The following SNX24 variants were observed in gnomAD, a reference collection of about 807,000 sequenced individuals.
SNX24 encodes the protein sorting nexin-24.
SNX24 carries 22 observed loss-of-function variants against 28.7 expected under a neutral mutation model. That is an observed-to-expected ratio of 0.77 (90% CI 0.55 to 1.10). The LOEUF is 1.10. SNX24 is among the 50% of genes least tolerant of loss of function. The probability of loss-of-function intolerance (pLI) is 0.00; values close to 1 mark genes in which losing one functional copy is unlikely to be tolerated. For synonymous variants in SNX24, 69 were observed against 71.5 expected, an observed-to-expected ratio of 0.96 and a Z score of 0.18; for missense variants, 221 against 201.1, an observed-to-expected ratio of 1.10 and a Z score of -0.60.
In SNX24 at chr5:122,907,165, G is replaced by T. The variant is rs191080850; in HGVS notation, c.61-29569G>T. 1.9e-3 allele frequency among the ~76,000 whole-genome samples: 295 copies of T among 152,140 alleles called. 1 individual carries two copies. Among genetic ancestry groups the T allele is most frequent in the African/African-American group, 6.7e-3 (279 of 41,508 alleles). Reference sequence around the variant, plus strand: ...CTCTCTAAGGAAGGAGTAACTTCAGGCTCCAAACCTTAAACAAGAAATGTA... The same window carrying T: ...CTCTCTAAGGAAGGAGTAACTTCAGTCTCCAAACCTTAAACAAGAAATGTA... On this transcript the variant is annotated intron_variant, in intron 1 of 6. Coordinates refer to ENST00000261369, the MANE Select transcript of SNX24 (RefSeq NM_014035.4).
In SNX24 at chr5:122,945,156, C is replaced by T. The variant is rs528951488; in HGVS notation, c.145-899C>T. Among the ~76,000 whole-genome samples, 37 of 152,230 alleles carry T rather than the reference C, an allele frequency of 2.4e-4. No homozygotes were observed. The South Asian group carries it at 5.4e-3, about 22-fold the overall frequency. ...CCAGCTTCTAGAGGTCACCTTGGCT[C>T]GTGGCCTCTTTCTCCATCGTCAGAG... On this transcript the variant is annotated intron_variant, in intron 2 of 6. Coordinates refer to ENST00000261369, the MANE Select transcript of SNX24 (RefSeq NM_014035.4).
chr5:122,882,090 A>G (rs558818323), intron 1 of SNX24, among the ~76,000 whole-genome samples: 13 of 152,106 alleles, frequency 8.5e-5, no homozygotes, highest in African/African-American at 3.1e-4. Flanking sequence ...AGCTAGGAAT[A>G]TAGGTGCTTG....
intron 1 of SNX24, among the ~76,000 whole-genome samples, chr5:122,886,376 T>G (rs1445047700): frequency 6.6e-6 from 1 of 152,244 alleles, no homozygotes; most frequent in Non-Finnish European, 1.5e-5. Flanking sequence ...CCTGTCTCTC[T>G]CTCTCCTCTC....
rs1432999575 is a variant in SNX24 at position 122,999,909 on chromosome 5, C to T, written c.250-3C>T. On this transcript the variant is annotated splice_region_variant and splice_polypyrimidine_tract_variant and intron_variant, in intron 3 of 6. Coordinates refer to ENST00000261369, the MANE Select transcript of SNX24 (RefSeq NM_014035.4). ...TTTCGAATTCTGTTTTCTGCTTTCA[C>T]AGGCTGTCATTTTAGAAAATGAAGA... 6.3e-7 allele frequency: 1 copy of T among 1,588,878 alleles called. No individual in the cohort carries two copies.
intron 3 of SNX24, among the ~76,000 whole-genome samples, chr5:122,984,607 C>G (rs1483499439): frequency 6.6e-6 from 1 of 152,168 alleles, no homozygotes; most frequent in Non-Finnish European, 1.5e-5. Flanking sequence ...GAAAAGTTAT[C>G]GCAGTTGGGA....
chr5:122,987,719 A>C (rs1055043131), intron 3 of SNX24, among the ~76,000 whole-genome samples: 46 of 152,298 alleles, frequency 3.0e-4, no homozygotes, highest in African/African-American at 1.1e-3. Flanking sequence ...GGGAGTCAGA[A>C]AGTACTGGGT....
chr5:122,951,625 T>C (rs1351165101), intron 3 of SNX24, among the ~76,000 whole-genome samples: 1 of 152,146 alleles, frequency 6.6e-6, no homozygotes, highest in Non-Finnish European at 1.5e-5. Context: ...GAAATGAAAG[T>C]ACAGAAACTT....
chr5:123,018,689 AT>A (rs1158151377), intron 5 of SNX24, among the ~76,000 whole-genome samples: 33 of 149,930 alleles, frequency 2.2e-4, no homozygotes, highest in Non-Finnish European at 2.8e-4. Context: ...TAGGGTGGGA[AT>A]TTTTTTTTTC....
At chr5:123,028,034 A>G (rs1361262665) in intron 5 of SNX24, among the ~76,000 whole-genome samples, 1 of 152,172 alleles carries the variant, frequency 6.6e-6, no homozygotes, top group Non-Finnish European at 1.5e-5. Context: ...CAACTCAGCT[A>G]TTGCTTTAAC....
At chr5:122,946,355 A>G (rs145072989) in intron 3 of SNX24, among the ~76,000 whole-genome samples, 196 bp downstream of exon 3, 1 of 152,342 alleles carries the variant, frequency 6.6e-6, no homozygotes, top group East Asian at 1.9e-4. Context: ...AATTGGTTCT[A>G]TGTATTGGGG....
chr5:122,876,868 A>T lies in SNX24; in HGVS notation c.60+31175A>T, dbSNP rs200852814. Among the ~76,000 whole-genome samples, 16 of 152,282 alleles carry T rather than the reference A, an allele frequency of 1.1e-4. No individual in the cohort carries two copies. In the East Asian group the frequency reaches 2.3e-3, roughly 22 times the overall value. On this transcript the variant is annotated intron_variant, in intron 1 of 6. Transcript: ENST00000261369. ...GGAAAGGACAGGGCTTTGTCAAGGA[A>T]CGCACCCTCAGTAAAGTTAGAAAGA...
At chr5:122,848,612 T>TA (rs1241104182) in intron 1 of SNX24, among the ~76,000 whole-genome samples, 1 of 151,298 alleles carries the variant, frequency 6.6e-6, no homozygotes, top group Non-Finnish European at 1.5e-5. Flanking sequence ...GGGAGGCTGA[T>TA]ACAGGCGAAT....
In SNX24 at chr5:123,001,775, C is replaced by T. The variant is rs190898261; in HGVS notation, c.378-165C>T. Among the ~76,000 whole-genome samples the T allele has an allele frequency of 2.4e-3, 368 of 152,232 alleles. 2 individuals carry two copies. Among genetic ancestry groups the T allele is most frequent in the African/African-American group, 8.6e-3 (356 of 41,536 alleles). ...AATGTTTAGAAGATGAGAGCAGTGC[C>T]CATTTGTTCACTCTTACTCTGCGTG... is the stretch of plus-strand genomic sequence containing the variant. On this transcript the variant is annotated intron_variant, in intron 5 of 6. Transcript: ENST00000261369.
At chr5:122,904,488 A>G (rs944260724) in intron 1 of SNX24, among the ~76,000 whole-genome samples, 2 of 151,964 alleles carry the variant, frequency 1.3e-5, no homozygotes, top group Admixed American at 1.3e-4. Flanking sequence ...CGGCCTTTTT[A>G]TCTTTTGTTT....
chr5:123,004,211 C>T (rs936330575), intron 6 of SNX24, among the ~76,000 whole-genome samples: 1 of 152,032 alleles, frequency 6.6e-6, no homozygotes, highest in African/African-American at 2.4e-5. Context: ...ATCAAATATC[C>T]CTTAGCTTTT....
intron 1 of SNX24, among the ~76,000 whole-genome samples, chr5:122,920,396 T>A (rs940276679): frequency 2.0e-5 from 3 of 152,228 alleles, no homozygotes; most frequent in African/African-American, 7.2e-5. Context: ...GACAACTAAC[T>A]GAACAGAATC....
intron 1 of SNX24, among the ~76,000 whole-genome samples, chr5:122,861,591 C>T (rs986091456): frequency 3.3e-5 from 5 of 152,040 alleles, no homozygotes; most frequent in Non-Finnish European, 7.4e-5. Flanking sequence ...TTAGAAGGAG[C>T]AGAAAACCTT....
At position 123,008,164 on chromosome 5, in the gene SNX24, C is replaced by T; in HGVS notation, c.*415C>T. 2 of 989,672 alleles carry T rather than the reference C, an allele frequency of 2.0e-6. No individual in the cohort carries two copies. Among genetic ancestry groups the T allele is most frequent in the Non-Finnish European group, 2.4e-6 (2 of 833,086 alleles). The allele number at this position is 989,672 out of a possible 1,614,324, so 61.3% of individuals were successfully genotyped here. The stretch of plus-strand genomic sequence containing the variant: ...TTTTTTGTTCAGATCTTATGACACA[C>T]TACTCTTCTCACCGTGAGATTTTCT... On this transcript the variant is annotated 3_prime_UTR_variant, in exon 7 of 7. Transcript: ENST00000261369.
At chr5:122,929,815 T>G (rs1429654755) in intron 1 of SNX24, among the ~76,000 whole-genome samples, 2 of 151,968 alleles carry the variant, frequency 1.3e-5, no homozygotes, top group African/African-American at 2.4e-5. Flanking sequence ...ACATTTTAGG[T>G]TTTTTTTCTC....
Sources: allele counts gnomAD v4.1 joint callset (sites outside exome capture counted in the v4.1 genomes callset), GRCh38; gene constraint gnomAD v4.1.1; transcripts MANE v1.5; gene names NCBI Gene and HGNC (gene_info 2026-07-23, HGNC 2026-07-21).